The following GNB4 variants were observed in gnomAD, a reference collection of about 807,000 sequenced individuals.
GNB4 encodes the protein guanine nucleotide-binding protein subunit beta-4.
GNB4 carries 28 observed loss-of-function variants against 45.2 expected under a neutral mutation model. The ratio of observed to expected loss-of-function variants is 0.62; its 90% CI spans 0.46 to 0.85. GNB4 has a LOEUF of 0.85. GNB4 is among the 40% of genes least tolerant of loss of function. The pLI is 0.00. For synonymous variants in GNB4, 132 were observed against 143.7 expected, an observed-to-expected ratio of 0.92 and a Z score of 0.58; for missense variants, 321 against 425.4, an observed-to-expected ratio of 0.75 and a Z score of 2.16.
the GNB4 span, among the ~76,000 whole-genome samples, chr3:179,464,088 C>T: frequency 8.5e-5 from 13 of 152,100 alleles, no homozygotes; most frequent in Non-Finnish European, 1.8e-4. Flanking sequence ...ACATTGTATA[C>T]CTTTGTAAAC....
At chr3:179,443,293 CTT>C (rs1715639876) in intron 1 of GNB4, among the ~76,000 whole-genome samples, 1 of 152,166 alleles carries the variant, frequency 6.6e-6, no homozygotes, top group Admixed American at 6.5e-5. Flanking sequence ...AATCCCAGCA[CTT>C]TGAGAGGCTG....
chr3:179,521,962 G>A, the GNB4 span, among the ~76,000 whole-genome samples: 3 of 151,970 alleles, frequency 2.0e-5, no homozygotes, highest in East Asian at 1.9e-4. Context: ...AATCCCACTC[G>A]AAGCAGCCCT....
the GNB4 span, among the ~76,000 whole-genome samples, chr3:179,504,499 G>A: frequency 6.6e-6 from 1 of 152,094 alleles, no homozygotes; most frequent in African/African-American, 2.4e-5. Flanking sequence ...AATCACTTTT[G>A]GAAATAGTTA....
the GNB4 span, among the ~76,000 whole-genome samples, chr3:179,512,604 C>T: frequency 6.6e-6 from 1 of 152,232 alleles, no homozygotes; most frequent in African/African-American, 2.4e-5. Context: ...CAGAGGACAA[C>T]ATTCACTGTG....
At chr3:179,453,077 T>C (rs1000454068), upstream of GNB4, among the ~76,000 whole-genome samples, 2 of 152,152 alleles carry the variant, frequency 1.3e-5, no homozygotes, top group Non-Finnish European at 2.9e-5. Context: ...GTCACGAAGG[T>C]ATTGGTAGAG....
chr3:179,454,739 T>C (rs1715953643), upstream of GNB4, among the ~76,000 whole-genome samples: 1 of 152,220 alleles, frequency 6.6e-6, no homozygotes, highest in African/African-American at 2.4e-5. Context: ...TACCGCCCTG[T>C]ATGTGTTGTA....
chr3:179,469,226 C>T, the GNB4 span, among the ~76,000 whole-genome samples: 1 of 152,182 alleles, frequency 6.6e-6, no homozygotes, highest in Non-Finnish European at 1.5e-5. Context: ...AAGATGTTCT[C>T]AGGATCTCTT....
chr3:179,469,185 T>A, the GNB4 span, among the ~76,000 whole-genome samples: 1 of 152,174 alleles, frequency 6.6e-6, no homozygotes, highest in African/African-American at 2.4e-5. Flanking sequence ...CTAAAATGCA[T>A]GAAACCAAGC....
At chr3:179,474,737 CTTTTTTTT>C in the GNB4 span, among the ~76,000 whole-genome samples, 6 of 59,724 alleles carry the variant, frequency 1.0e-4, no homozygotes, top group Non-Finnish European at 1.7e-4. Flanking sequence ...AGACTGGGTC[CTTTTTTTT>C]TTTTTTTTTT....
At chr3:179,418,470 C>CAAAAAAAAAAAAAAAAAAAAAAAA (rs386356535) in intron 4 of GNB4, among the ~76,000 whole-genome samples, 1 of 95,374 alleles carries the variant, frequency 1.0e-5, no homozygotes, top group Non-Finnish European at 2.1e-5. Context: ...AACTCTGTCT[C>CAAAAAAAAAAAAAAAAAAAAAAAA]AAAAAAAAAA....
rs556032294 is a variant in GNB4 at position 179,421,045 on chromosome 3, A to C, written c.58-118T>G. 1.3e-5 allele frequency: 8 copies of C among 625,344 alleles called. No homozygotes were observed. In the Admixed American group the frequency reaches 2.6e-4, roughly 20 times the overall value. The allele number at this position is 625,344 out of a possible 1,614,324, so 38.7% of individuals were successfully genotyped here. On this transcript the variant is annotated intron_variant, in intron 2 of 9. Transcript: ENST00000232564. ...TTCTCACTGTACCACATCTTTAAAA[A>C]TTTTTTTAATTGATATAAAAATCAC... is the stretch of plus-strand genomic sequence containing the variant.
the GNB4 span, among the ~76,000 whole-genome samples, chr3:179,480,323 G>A: frequency 6.6e-6 from 1 of 152,142 alleles, no homozygotes; most frequent in African/African-American, 2.4e-5. Flanking sequence ...GTTCCCAATG[G>A]AAATGACTCT....
chr3:179,443,003 G>A (rs1234094566), intron 1 of GNB4, among the ~76,000 whole-genome samples: 1 of 151,946 alleles, frequency 6.6e-6, no homozygotes, highest in South Asian at 2.1e-4. Flanking sequence ...ACCAGACTTG[G>A]TTATATATTA....
chr3:179,506,117 A>G, the GNB4 span, among the ~76,000 whole-genome samples: 1 of 152,198 alleles, frequency 6.6e-6, no homozygotes, highest in Non-Finnish European at 1.5e-5. Flanking sequence ...CCGAGGCAGG[A>G]GGATCGCTTG....
chr3:179,402,925 T>C (rs1026307048), intron 9 of GNB4, among the ~76,000 whole-genome samples: 1 of 152,034 alleles, frequency 6.6e-6, no homozygotes, highest in East Asian at 1.9e-4. Context: ...GAGGAAAGGG[T>C]AAAACAGGGT....
the GNB4 span, chr3:179,464,422 G>T: frequency 1.4e-6 from 2 of 1,460,656 alleles, no homozygotes; most frequent in Admixed American, 3.4e-5. Flanking sequence ...CTCTGCCCTC[G>T]CCCCTTCCAC....
At chr3:179,503,845 C>T in the GNB4 span, among the ~76,000 whole-genome samples, 2 of 152,152 alleles carry the variant, frequency 1.3e-5, no homozygotes, top group Non-Finnish European at 2.9e-5. Flanking sequence ...GAATCACAAG[C>T]CAAACTTGTT....
At chr3:179,525,453 G>A in the GNB4 span, among the ~76,000 whole-genome samples, 1 of 152,132 alleles carries the variant, frequency 6.6e-6, no homozygotes, top group African/African-American at 2.4e-5. Context: ...AAAAGAGAGG[G>A]TAGAGACACG....
chr3:179,450,033 A>G (rs958458255), intron 1 of GNB4, among the ~76,000 whole-genome samples: 3 of 152,270 alleles, frequency 2.0e-5, no homozygotes, highest in Non-Finnish European at 4.4e-5. Flanking sequence ...GAACCAACCT[A>G]AAATATCACA....
Sources: gnomAD v4.1 joint callset for allele counts (sites outside exome capture counted in the v4.1 genomes callset) on GRCh38, gnomAD v4.1.1 for gene constraint, MANE v1.5 for transcripts, NCBI Gene and HGNC (gene_info 2026-07-23, HGNC 2026-07-21) for gene names.